Variants in TMX4 observed in about 807,000 individuals in gnomAD.
The protein encoded by TMX4 is thioredoxin related transmembrane protein 4, also known as thioredoxin-related transmembrane protein 4.
A neutral mutation model predicts 33.3 loss-of-function variants in TMX4; 23 were observed. The ratio of observed to expected loss-of-function variants is 0.69; its 90% CI spans 0.50 to 0.98. TMX4 has a LOEUF of 0.98. Among genes scored for constraint, TMX4 ranks in the 50% least tolerant of loss-of-function variants. The pLI, the probability that TMX4 is intolerant of heterozygous loss-of-function variation, is 0.00. For synonymous variants in TMX4, 164 were observed against 161.5 expected (o/e 1.02, Z -0.12); for missense variants, 399 against 448.9 (o/e 0.89, Z 1.01).
chr20:7,987,412 A>C, intron 5 of TMX4, 23 bp from the exon 6 acceptor site: 1 of 1,533,934 alleles, frequency 6.5e-7, no homozygotes, highest in Non-Finnish European at 8.8e-7. Context: ...GAAAAAAAAT[A>C]AAACATTAAT....
At chr20:8,018,858 A>G in intron 1 of TMX4, 2 of 268,840 alleles carry the variant, frequency 7.4e-6, no homozygotes, top group Middle Eastern at 4.4e-4. Context: ...AAAGGCATCC[A>G]TATTTATGTT....
At chr20:7,995,338 C>T (rs2050671617) in intron 5 of TMX4, among the ~76,000 whole-genome samples, 1 of 152,122 alleles carries the variant, frequency 6.6e-6, no homozygotes, top group Non-Finnish European at 1.5e-5. Flanking sequence ...TAGTCCTCCC[C>T]TACAGAGAAG....
Position 8,001,600 on chromosome 20 carries a change from T to C in TMX4, c.293-59A>G, listed in dbSNP as rs143711601. On this transcript the variant is annotated intron_variant, in intron 2 of 7. Transcript: ENST00000246024. The stretch of plus-strand genomic sequence containing the variant: ...TTAAGTCCTCCAAAAAAAGCATTCT[T>C]GAGCTTACTTTCATAATCACATTAT... The C allele has an allele frequency of 6.1e-4, 897 of 1,469,144 alleles. 2 individuals are homozygous for C. In the African/African-American group the frequency reaches 0.012, roughly 19 times the overall value. 91.0% of individuals were successfully genotyped at this position (1,469,144 alleles called of 1,614,324 possible).
In TMX4 at chr20:7,991,713, A is replaced by G. The variant is rs541298674; in HGVS notation, c.513+4313T>C. Among the ~76,000 whole-genome samples, 27 of 152,356 alleles carry G rather than the reference A, an allele frequency of 1.8e-4. No individual in the cohort carries two copies. In the South Asian group the frequency reaches 5.6e-3, roughly 32 times the overall value. The stretch of plus-strand genomic sequence containing the variant: ...GGCTATAAAGAGAAGGAAAAAGTAA[A>G]ATAATGAAGACAATAATGATTAATA... On this transcript the variant is annotated intron_variant, in intron 5 of 7. Transcript: ENST00000246024.
rs369466766 is a variant in TMX4, at chr20:8,010,268, T to G, written c.224A>C (p.Glu75Ala). ...PSCQQTDSEW[E>A]AFAKNGEILQ... ...TATTTCACCATTCTTTGCAAAAGCCTCCCATTCTGAATCAGTCTGCTGGCA... is the reference window on the plus strand; with the variant it reads ...TATTTCACCATTCTTTGCAAAAGCCGCCCATTCTGAATCAGTCTGCTGGCA... Residue 75 changes from glutamate to alanine, a missense_variant, in exon 2 of 8, where the codon GAG becomes GCG. Glu to Ala is a moderately radical substitution (Grantham distance 107, BLOSUM62 -1). Coordinates refer to ENST00000246024, the MANE Select transcript of TMX4 (RefSeq NM_021156.4). 1.2e-6 allele frequency: 2 copies of G among 1,611,936 alleles called. No individual in the cohort carries two copies. The highest frequency in any genetic ancestry group is 2.7e-5 in the African/African-American group (2 of 74,854).
At chr20:7,985,278 T>TATATATA (rs1491289875) in intron 6 of TMX4, among the ~76,000 whole-genome samples, 2 of 51,166 alleles carry the variant, frequency 3.9e-5, no homozygotes, top group Non-Finnish European at 6.6e-5. Flanking sequence ...TATATATATA[T>TATATATA]TTTTTTTTTT....
intron 2 of TMX4, among the ~76,000 whole-genome samples, chr20:8,003,291 G>A (rs1038279540): frequency 6.6e-6 from 1 of 151,918 alleles, no homozygotes; most frequent in Non-Finnish European, 1.5e-5. Flanking sequence ...TCATTTGTAT[G>A]TTTTTTTAAA....
chr20:7,987,380 T>G lies in TMX4; in HGVS notation c.523A>C (p.Asn175His). 4.4e-6 allele frequency: 7 copies of G among 1,577,444 alleles called. No homozygotes were observed. In the South Asian group the frequency reaches 8.4e-5, roughly 19 times the overall value. ...ATTCCAAGAGTCACTGTGAAATAGT[T>G]GTGAAGATGCTGGAATCAGAAGAAA... ...SISGKIWHLH[N>H]YFTVTLGIPA... Residue 175 changes from asparagine to histidine, a missense_variant, in exon 6 of 8, where the codon AAC becomes CAC. Coordinates refer to ENST00000246024, the MANE Select transcript of TMX4 (RefSeq NM_021156.4).
At chr20:8,006,486 T>A (rs139630649) in intron 2 of TMX4, among the ~76,000 whole-genome samples, 1 of 152,182 alleles carries the variant, frequency 6.6e-6, no homozygotes, top group Non-Finnish European at 1.5e-5. Flanking sequence ...GAAATTTGTA[T>A]ACAGAAATAC....
chr20:7,990,051 C>G (rs567412418), intron 5 of TMX4, among the ~76,000 whole-genome samples: 2 of 152,218 alleles, frequency 1.3e-5, no homozygotes, highest in Admixed American at 1.3e-4. Flanking sequence ...AATCCCAGCA[C>G]TTTGGAAGGC....
In TMX4 at chr20:7,982,601, CCT is replaced by C. The variant is rs1357656920; in HGVS notation, c.698_699del (p.Glu233GlyfsTer4). On this transcript the variant is annotated frameshift_variant, in exon 8 of 8. Transcript: ENST00000246024. LOFTEE classifies it low-confidence loss of function (END_TRUNC). ...SERSEQNRRS[E>X]EAHRAEQLQD... is the part of the protein sequence containing the mutation. ...TGCAACTGTTCAGCTCTATGAGCCT[CCT>C]CTGATCTCCGATTCTGCTCTATGGA... The C allele has an allele frequency of 6.2e-7, 1 of 1,612,332 alleles. No homozygotes were observed. The highest frequency in any genetic ancestry group is 1.1e-5 in the South Asian group (1 of 91,008).
chr20:7,982,951 C>T (rs1180673288), intron 7 of TMX4, among the ~76,000 whole-genome samples: 1 of 152,180 alleles, frequency 6.6e-6, no homozygotes, highest in Non-Finnish European at 1.5e-5. Flanking sequence ...ATGTGACATG[C>T]TAAGCCACTC....
chr20:7,994,220 T>C (rs4816036), intron 5 of TMX4, among the ~76,000 whole-genome samples: 2,079 of 152,226 alleles, frequency 0.014, 54 homozygotes, highest in East Asian at 0.065. Context: ...ATTATAAATA[T>C]ACATTTATAT....
intron 1 of TMX4, among the ~76,000 whole-genome samples, chr20:8,015,535 T>A (rs1367847523): frequency 1.3e-5 from 2 of 152,212 alleles, no homozygotes; most frequent in Admixed American, 1.3e-4. Flanking sequence ...TTATACTACA[T>A]ATTTCCTTCA....
chr20:7,996,603 C>T (rs1386734503), intron 4 of TMX4, among the ~76,000 whole-genome samples: 1 of 152,094 alleles, frequency 6.6e-6, no homozygotes, highest in African/African-American at 2.4e-5. Context: ...CACCTGCATC[C>T]ACCTTCTCTT....
At chr20:7,993,331 T>C (rs986903183) in intron 5 of TMX4, among the ~76,000 whole-genome samples, 1 of 152,228 alleles carries the variant, frequency 6.6e-6, no homozygotes, top group African/African-American at 2.4e-5. Flanking sequence ...TATATTTGCA[T>C]TGTAGTTTCA....
intron 6 of TMX4, among the ~76,000 whole-genome samples, chr20:7,985,056 A>G (rs2050624820): frequency 6.6e-6 from 1 of 152,088 alleles, no homozygotes; most frequent in South Asian, 2.1e-4. Flanking sequence ...CAAAAATGTC[A>G]TTCTGGAATA....
chr20:7,985,827 G>C (rs2050628892), intron 6 of TMX4, among the ~76,000 whole-genome samples: 1 of 152,288 alleles, frequency 6.6e-6, no homozygotes, highest in East Asian at 1.9e-4. Context: ...TTTCTACACT[G>C]ATTATCTGAA....
rs2050602557 is a variant in TMX4, at chr20:7,980,875, C to G, written c.*1376G>C. On this transcript the variant is annotated 3_prime_UTR_variant, in exon 8 of 8. Transcript: ENST00000246024. ...ATCTAAACAGCCAGATAGAAATATA[C>G]TGCACGTTCCTTTTTAAAGACGACA... is the stretch of plus-strand genomic sequence containing the variant. 2 of 152,316 alleles carry G rather than the reference C, an allele frequency of 1.3e-5. No individual in the cohort carries two copies. The highest frequency in any genetic ancestry group is 4.8e-5 in the African/African-American group (2 of 41,570). The allele number at this position is 152,316 out of a possible 1,614,324, so 9.4% of individuals were successfully genotyped here.
Sources: allele counts gnomAD v4.1 joint callset (sites outside exome capture counted in the v4.1 genomes callset), GRCh38; gene constraint gnomAD v4.1.1; transcripts MANE v1.5; gene names NCBI Gene and HGNC (gene_info 2026-07-23, HGNC 2026-07-21).